The following CACNA2D1 variants were observed in gnomAD, a reference collection of about 807,000 sequenced individuals.
CACNA2D1 encodes voltage-dependent calcium channel subunit alpha-2/delta-1.
In CACNA2D1, 53 loss-of-function variants were observed where a neutral mutation model predicts 171.5. The ratio of observed to expected loss-of-function variants is 0.31; its 90% CI spans 0.25 to 0.39. CACNA2D1 has a LOEUF of 0.39. Among genes scored for constraint, CACNA2D1 ranks in the 10% least tolerant of loss-of-function variants. The pLI is 1.00. For missense variants in CACNA2D1, 903 were observed against 1,299.8 expected, an observed-to-expected ratio of 0.69 and a Z score of 4.69; for synonymous variants, 442 against 443.1, an observed-to-expected ratio of 1.00 and a Z score of 0.03.
rs778907208 is a variant in CACNA2D1, at chr7:81,950,522, AAAAAG to A, written c.3160-19_3160-15del. ...AGTATAATCCTCCTGTTGTTAAAAA[AAAAAG>A]AAAAGAACAGAAAAAGAAAAATCTA... On this transcript the variant is annotated splice_polypyrimidine_tract_variant and intron_variant, in intron 38 of 38. Coordinates refer to ENST00000356860, the MANE Select transcript of CACNA2D1 (RefSeq NM_000722.4). 277 of 1,603,790 alleles carry A rather than the reference AAAAAG, an allele frequency of 1.7e-4. No individual in the cohort carries two copies. Among genetic ancestry groups the A allele is most frequent in the East Asian group, 6.0e-4 (27 of 44,776 alleles).
chr7:82,075,219 TAAA>T (rs3086906), intron 7 of CACNA2D1, among the ~76,000 whole-genome samples: 21 of 148,402 alleles, frequency 1.4e-4, no homozygotes, highest in East Asian at 1.2e-3. Flanking sequence ...TCACCATAAT[TAAA>T]AAAAAAAAAA....
intron 4 of CACNA2D1, among the ~76,000 whole-genome samples, chr7:82,167,300 T>A (rs185097019): frequency 1.6e-4 from 25 of 152,222 alleles, no homozygotes; most frequent in Admixed American, 1.2e-3. Flanking sequence ...AATTGTTTTG[T>A]GTGCTTTCAC....
At chr7:82,043,357 T>C (rs559066662) in intron 10 of CACNA2D1, among the ~76,000 whole-genome samples, 4 of 152,298 alleles carry the variant, frequency 2.6e-5, no homozygotes, top group East Asian at 3.9e-4. Context: ...AAAATTATTT[T>C]AGTAAAAAGG....
intron 4 of CACNA2D1, among the ~76,000 whole-genome samples, chr7:82,149,942 G>A (rs1285402872): frequency 6.6e-6 from 1 of 151,990 alleles, no homozygotes; most frequent in Admixed American, 6.6e-5. Context: ...GGGCTACAGA[G>A]CAAGAGTATG....
At chr7:82,047,629 T>C (rs1015343770) in intron 10 of CACNA2D1, among the ~76,000 whole-genome samples, 16 of 152,100 alleles carry the variant, frequency 1.1e-4, no homozygotes, top group Admixed American at 2.0e-4. Context: ...ACTGTTCTGA[T>C]TGACAAAAGG....
At chr7:82,262,676 T>A (rs1292562145) in intron 3 of CACNA2D1, among the ~76,000 whole-genome samples, 1 of 152,176 alleles carries the variant, frequency 6.6e-6, no homozygotes, top group Non-Finnish European at 1.5e-5. Flanking sequence ...ACCATGTTTT[T>A]CTGACCTTCA....
intron 12 of CACNA2D1, chr7:82,020,887 T>A (rs895623555): frequency 1.2e-4 from 18 of 152,132 alleles, no homozygotes; most frequent in Admixed American, 1.2e-3. Flanking sequence ...CTCAAGTAAA[T>A]AAAACAGAAA....
In CACNA2D1 at chr7:82,232,441, A is replaced by G. The variant is rs1459299829; in HGVS notation, c.295-61832T>C. Reference sequence around the variant, plus strand: ...TAAGATTTCCATAGAGAAAAAGAGTAAAAAGCTAAACTTAGTTGAAAATAG... The same window carrying G: ...TAAGATTTCCATAGAGAAAAAGAGTGAAAAGCTAAACTTAGTTGAAAATAG... On this transcript the variant is annotated intron_variant, in intron 3 of 38. Coordinates refer to ENST00000356860, the MANE Select transcript of CACNA2D1 (RefSeq NM_000722.4). 2.0e-5 allele frequency among the ~76,000 whole-genome samples: 3 copies of G among 152,302 alleles called. No homozygotes were observed. The East Asian group carries it at 5.8e-4, about 29-fold the overall frequency.
At chr7:81,977,955 A>T (rs1315006166) in intron 24 of CACNA2D1, among the ~76,000 whole-genome samples, 5 of 152,216 alleles carry the variant, frequency 3.3e-5, no homozygotes, top group African/African-American at 1.2e-4. Context: ...TCAAAATAAG[A>T]CATTTATGCG....
At chr7:82,166,232 A>G (rs1263603186) in intron 4 of CACNA2D1, among the ~76,000 whole-genome samples, 1 of 152,082 alleles carries the variant, frequency 6.6e-6, no homozygotes, top group Non-Finnish European at 1.5e-5. Flanking sequence ...AATTAAAGCT[A>G]TAACTGGAGA....
intron 4 of CACNA2D1, among the ~76,000 whole-genome samples, chr7:82,170,310 T>C (rs1795881123): frequency 6.6e-6 from 1 of 151,710 alleles, no homozygotes; most frequent in Non-Finnish European, 1.5e-5. Flanking sequence ...ATTTCAAGGG[T>C]TTTAAAGGGT....
At position 82,252,128 on chromosome 7, in the gene CACNA2D1, G is replaced by A. The variant is rs144120829; in HGVS notation, c.295-81519C>T. ...TCTTCTTGTTTTAAAATGAGAATGC[G>A]AGTATGCTTTGCAAGGGGCAAAATA... On this transcript the variant is annotated intron_variant, in intron 3 of 38. Coordinates refer to ENST00000356860, the MANE Select transcript of CACNA2D1 (RefSeq NM_000722.4). Among the ~76,000 whole-genome samples, 97 of 152,234 alleles carry A rather than the reference G, an allele frequency of 6.4e-4. 1 individual carries two copies. The highest frequency in any genetic ancestry group is 2.2e-3 in the African/African-American group (92 of 41,534).
At chr7:82,216,273 G>A (rs970089605) in intron 3 of CACNA2D1, among the ~76,000 whole-genome samples, 4 of 152,134 alleles carry the variant, frequency 2.6e-5, no homozygotes, top group African/African-American at 7.2e-5. Context: ...GAGCTCATAA[G>A]AAACTAGAAA....
intron 3 of CACNA2D1, among the ~76,000 whole-genome samples, chr7:82,291,603 A>AAT (rs1437341728): frequency 7.0e-6 from 1 of 143,188 alleles, no homozygotes; most frequent in Non-Finnish European, 1.5e-5. Context: ...ATATATAAAA[A>AAT]ATATATATAA....
At chr7:82,226,942 G>GA (rs1802426605) in intron 3 of CACNA2D1, among the ~76,000 whole-genome samples, 2 of 152,142 alleles carry the variant, frequency 1.3e-5, no homozygotes, top group South Asian at 4.1e-4. Context: ...ATAAAATACA[G>GA]AAAAATATTA....
At chr7:82,031,245 C>T (rs1011035385) in intron 12 of CACNA2D1, among the ~76,000 whole-genome samples, 1 of 151,680 alleles carries the variant, frequency 6.6e-6, no homozygotes, top group Admixed American at 6.6e-5. Flanking sequence ...TCTAAAGGAG[C>T]CTACAGTGGC....
chr7:82,375,108 A>C (rs140136556), intron 1 of CACNA2D1, among the ~76,000 whole-genome samples: 2 of 152,290 alleles, frequency 1.3e-5, no homozygotes, highest in African/African-American at 4.8e-5. Context: ...TCCCTCCTGG[A>C]GTCAGAGAGA....
intron 1 of CACNA2D1, among the ~76,000 whole-genome samples, chr7:82,368,410 G>A (rs115962144): frequency 1.3e-5 from 2 of 152,116 alleles, no homozygotes; most frequent in East Asian, 1.9e-4. Context: ...TGTGAAGCAG[G>A]AAAATAATGA....
chr7:82,071,748 G>A (rs572438391), intron 7 of CACNA2D1, among the ~76,000 whole-genome samples: 22 of 152,100 alleles, frequency 1.4e-4, no homozygotes, highest in Admixed American at 1.4e-3. Flanking sequence ...AGACTGCCCT[G>A]CCAGAAACTA....
Sources: allele counts gnomAD v4.1 joint callset (sites outside exome capture counted in the v4.1 genomes callset), GRCh38; gene constraint gnomAD v4.1.1; transcripts MANE v1.5; gene names NCBI Gene and HGNC (gene_info 2026-07-23, HGNC 2026-07-21).